ZNG1E: variants seen among roughly 807,000 people sequenced by gnomAD.
ZNG1E encodes zinc-regulated GTPase metalloprotein activator 1E.
chr9:65,686,583 C>G, the ZNG1E span, among the ~76,000 whole-genome samples: 1 of 152,132 alleles, frequency 6.6e-6, no homozygotes, highest in Non-Finnish European at 1.5e-5. Flanking sequence ...TGGCAGTGAG[C>G]TGAGATTGCA....
chr9:65,727,518 A>AT, the ZNG1E span, among the ~76,000 whole-genome samples: 1 of 131,748 alleles, frequency 7.6e-6, no homozygotes, highest in Admixed American at 7.8e-5. Context: ...CACCTAACAC[A>AT]TAAGGACTCA....
chr9:65,661,856 T>C, the ZNG1E span, among the ~76,000 whole-genome samples: 1 of 152,244 alleles, frequency 6.6e-6, no homozygotes, highest in Non-Finnish European at 1.5e-5. Flanking sequence ...GTATAAATGT[T>C]ATTAAAACTC....
the ZNG1E span, among the ~76,000 whole-genome samples, chr9:65,696,287 A>G: frequency 3.7e-4 from 28 of 75,298 alleles, no homozygotes; most frequent in African/African-American, 1.2e-3. Context: ...TATAATTTTA[A>G]TACAGCTGTA....
chr9:65,684,550 G>GCACAGGCGCACA, the ZNG1E span, among the ~76,000 whole-genome samples: 1 of 132,772 alleles, frequency 7.5e-6, no homozygotes, highest in African/African-American at 3.1e-5. Flanking sequence ...ACACACGCAC[G>GCACAGGCGCACA]CACACACACA....
At chr9:65,680,837 G>C in the ZNG1E span, among the ~76,000 whole-genome samples, 35 of 151,844 alleles carry the variant, frequency 2.3e-4, no homozygotes, top group African/African-American at 8.5e-4. Flanking sequence ...TGCCCAGGCT[G>C]GAGTGCAGTG....
chr9:65,710,309 G>A, the ZNG1E span, among the ~76,000 whole-genome samples: 4 of 148,010 alleles, frequency 2.7e-5, no homozygotes, highest in Admixed American at 6.8e-5. Flanking sequence ...TAGGTTGCCT[G>A]TTCACTCTGA....
chr9:65,722,697 A>ATTTTTTTTTTTTT, the ZNG1E span, among the ~76,000 whole-genome samples: 39 of 8,400 alleles, frequency 4.6e-3, 12 homozygotes, highest in Non-Finnish European at 6.4e-3. Context: ...TGCCTAGCTA[A>ATTTTTTTTTTTTT]TTTTTTTTTT....
chr9:65,694,509 C>A, the ZNG1E span, among the ~76,000 whole-genome samples: 1 of 152,022 alleles, frequency 6.6e-6, no homozygotes, highest in Non-Finnish European at 1.5e-5. Context: ...CTTGATAAAA[C>A]CTCTTAAATT....
the ZNG1E span, among the ~76,000 whole-genome samples, chr9:65,684,546 GCA>G: frequency 7.2e-6 from 1 of 139,486 alleles, no homozygotes; most frequent in African/African-American, 2.8e-5. Context: ...ACACACACAC[GCA>G]CGCACACACA....
the ZNG1E span, among the ~76,000 whole-genome samples, chr9:65,731,164 T>G: frequency 1.3e-5 from 2 of 152,284 alleles, no homozygotes; most frequent in Non-Finnish European, 2.9e-5. Context: ...CTTATTTTTT[T>G]GACCCTTATT....
the ZNG1E span, among the ~76,000 whole-genome samples, chr9:65,672,449 T>TAAAAA: frequency 1.8e-3 from 261 of 142,286 alleles, no homozygotes; most frequent in Non-Finnish European, 2.6e-3. Flanking sequence ...TCTTATAAGT[T>TAAAAA]AAAAAAAAAA....
chr9:65,696,205 ATGTT>A, the ZNG1E span, among the ~76,000 whole-genome samples: 2 of 132,906 alleles, frequency 1.5e-5, no homozygotes, highest in African/African-American at 5.3e-5. Flanking sequence ...ATTTTTTTAA[ATGTT>A]TGTATAGCTT....
the ZNG1E span, among the ~76,000 whole-genome samples, chr9:65,684,546 G>GCACACGCACACGCA: frequency 3.6e-5 from 5 of 139,474 alleles, no homozygotes; most frequent in African/African-American, 8.4e-5. Context: ...ACACACACAC[G>GCACACGCACACGCA]CACGCACACA....
the ZNG1E span, among the ~76,000 whole-genome samples, chr9:65,658,270 AG>A: frequency 6.6e-6 from 1 of 152,104 alleles, no homozygotes; most frequent in African/African-American, 2.4e-5. Context: ...TATTTCAGAA[AG>A]GGACATTCAA....
chr9:65,667,142 A>C, the ZNG1E span, among the ~76,000 whole-genome samples: 1 of 152,264 alleles, frequency 6.6e-6, no homozygotes, highest in South Asian at 2.1e-4. Flanking sequence ...TTACCCAGGG[A>C]TATGAATAGC....
chr9:65,687,784 C>T, the ZNG1E span, among the ~76,000 whole-genome samples: 1 of 140,598 alleles, frequency 7.1e-6, no homozygotes, highest in Non-Finnish European at 1.6e-5. Flanking sequence ...TCCCTCCCTC[C>T]TTGAAGGCAC....
the ZNG1E span, among the ~76,000 whole-genome samples, chr9:65,717,819 C>T: frequency 1.4e-5 from 2 of 145,616 alleles, no homozygotes; most frequent in African/African-American, 5.4e-5. Context: ...TCATGAGTAG[C>T]TGGGACTATA....
chr9:65,714,563 G>A, the ZNG1E span, among the ~76,000 whole-genome samples: 1 of 151,912 alleles, frequency 6.6e-6, no homozygotes, highest in Non-Finnish European at 1.5e-5. Flanking sequence ...TGGGTTTTTG[G>A]TGTGGATGTC....
At chr9:65,688,232 AT>A in the ZNG1E span, among the ~76,000 whole-genome samples, 1 of 38,706 alleles carries the variant, frequency 2.6e-5, no homozygotes, top group Admixed American at 2.3e-4. Context: ...ATAATTATTA[AT>A]TAATTGGTTA....
Sources: allele counts gnomAD v4.1 joint callset (sites outside exome capture counted in the v4.1 genomes callset), GRCh38; gene constraint gnomAD v4.1.1; transcripts MANE v1.5; gene names NCBI Gene and HGNC (gene_info 2026-07-23, HGNC 2026-07-21).